HECW2: variants seen among roughly 807,000 people sequenced by gnomAD.
HECW2 encodes the protein HECT, C2 and WW domain containing E3 ubiquitin protein ligase 2.
HECW2 carries 61 observed loss-of-function variants against 175.2 expected under a neutral mutation model. The observed-to-expected ratio is 0.35, with a 90% CI of 0.28 to 0.43. The LOEUF (loss-of-function observed/expected upper bound fraction) is 0.43. Ranked by LOEUF, HECW2 falls within the 20% of genes least tolerant of loss-of-function variation. The pLI is 1.00. For synonymous variants in HECW2, 671 were observed against 731.0 expected (o/e 0.92, Z 1.32); for missense variants, 1,524 against 2,000.5 (o/e 0.76, Z 4.54).
In HECW2 at chr2:196,492,952, TAAAA is replaced by T. The variant is rs535602336; in HGVS notation, c.-35-59498_-35-59495del. On this transcript the variant is annotated intron_variant, in intron 1 of 28. Transcript: ENST00000644978. Reference sequence around the variant, plus strand: ...TAACTTTAATAAACGTCTTGAGTCTTAAAAATAAATAGACAAAAACACTGCTGTA... The same window carrying T: ...TAACTTTAATAAACGTCTTGAGTCTTATAAATAGACAAAAACACTGCTGTA... Among the ~76,000 whole-genome samples the T allele has an allele frequency of 1.4e-4, 22 of 152,304 alleles. No homozygotes were observed. The South Asian group carries it at 4.1e-3, about 29-fold the overall frequency.
At chr2:196,248,597 G>GACACAAACACACAAAC (rs1553636702) in intron 19 of HECW2, among the ~76,000 whole-genome samples, 2 of 143,922 alleles carry the variant, frequency 1.4e-5, no homozygotes, top group Non-Finnish European at 3.0e-5. Flanking sequence ...GAGACAGACA[G>GACACAAACACACAAAC]ACACACACAC....
intron 1 of HECW2, among the ~76,000 whole-genome samples, chr2:196,478,951 G>A (rs1413499198): frequency 6.6e-6 from 1 of 152,186 alleles, no homozygotes; most frequent in Admixed American, 6.5e-5. Flanking sequence ...GCACTCATTA[G>A]GACCCCACTT....
At chr2:196,256,576 G>C (rs1559468036) in intron 18 of HECW2, among the ~76,000 whole-genome samples, 1 of 152,144 alleles carries the variant, frequency 6.6e-6, no homozygotes, top group Non-Finnish European at 1.5e-5. Context: ...AATTCCCAAA[G>C]CAGAATTCTT....
rs1021893102 is a variant in HECW2, at chr2:196,349,252, G to A, written c.293-5488C>T. On this transcript the variant is annotated intron_variant, in intron 2 of 28. Transcript: ENST00000644978. ...CCCATCCTCATTCCTATTTCCTCTC[G>A]TACTAGGATTAAAGTGTCTGTTTTT... Among the ~76,000 whole-genome samples, 12 of 151,634 alleles carry A rather than the reference G, an allele frequency of 7.9e-5. No homozygotes were observed. In the East Asian group the frequency reaches 1.9e-3, roughly 24 times the overall value.
intron 15 of HECW2, among the ~76,000 whole-genome samples, chr2:196,277,333 T>C (rs1689995523): frequency 6.6e-6 from 1 of 152,192 alleles, no homozygotes; most frequent in African/African-American, 2.4e-5. Flanking sequence ...CTCAAAAATA[T>C]CCTAATTTTA....
rs1429124054 is a variant in HECW2, at chr2:196,335,003, A to G, written c.401-485T>C. Among the ~76,000 whole-genome samples, 6 of 152,354 alleles carry G rather than the reference A, an allele frequency of 3.9e-5. No homozygotes were observed. The South Asian group carries it at 1.2e-3, about 32-fold the overall frequency. ...TCCAAAGCCTTCACTCATAACCTCTATCTACATTGACTGTAGCTCTCAATG... is the reference window on the plus strand; with the variant it reads ...TCCAAAGCCTTCACTCATAACCTCTGTCTACATTGACTGTAGCTCTCAATG... On this transcript the variant is annotated intron_variant, in intron 3 of 28. Coordinates refer to ENST00000644978, the MANE Select transcript of HECW2 (RefSeq NM_001348768.2).
rs562936284 is a variant in HECW2 at position 196,552,205 on chromosome 2, A to G, written c.-36+41303T>C. Among the ~76,000 whole-genome samples the G allele has an allele frequency of 7.9e-5, 12 of 152,336 alleles. No individual in the cohort carries two copies. The East Asian group carries it at 2.3e-3, about 29-fold the overall frequency. On this transcript the variant is annotated intron_variant, in intron 1 of 28. Coordinates refer to ENST00000644978, the MANE Select transcript of HECW2 (RefSeq NM_001348768.2). ...GTTGACATGAGAGTACCAGGGAGAG[A>G]TATTTAAGTTGTAAATCAAACTTAA...
intron 1 of HECW2, among the ~76,000 whole-genome samples, chr2:196,470,070 G>A (rs896247727): frequency 2.6e-5 from 4 of 151,768 alleles, no homozygotes; most frequent in African/African-American, 9.7e-5. Flanking sequence ...GAAAAGACAA[G>A]GATCACAGAA....
chr2:196,518,654 CAAAAAAAAAA>C (rs747681637), intron 1 of HECW2, among the ~76,000 whole-genome samples: 2 of 77,422 alleles, frequency 2.6e-5, no homozygotes, highest in African/African-American at 7.5e-5. Flanking sequence ...GATTCTGTCT[CAAAAAAAAAA>C]AAAAAAAAAA....
intron 2 of HECW2, among the ~76,000 whole-genome samples, chr2:196,417,047 T>C (rs1172339687): frequency 2.0e-5 from 3 of 152,260 alleles, no homozygotes; most frequent in Non-Finnish European, 4.4e-5. Flanking sequence ...TTTTTCCCTG[T>C]TGTTTTACTG....
At chr2:196,239,161 C>T (rs1388288320) in intron 21 of HECW2, 1 of 152,240 alleles carries the variant, frequency 6.6e-6, no homozygotes, top group Non-Finnish European at 1.5e-5. Context: ...CAATGAAAGG[C>T]TCAGATCTCA....
At chr2:196,548,442 A>T (rs1194631536) in intron 1 of HECW2, among the ~76,000 whole-genome samples, 1 of 152,188 alleles carries the variant, frequency 6.6e-6, no homozygotes, top group Non-Finnish European at 1.5e-5. Flanking sequence ...AGGCTCTGAA[A>T]GATAGATAAC....
chr2:196,585,690 G>C (rs1690948205), intron 1 of HECW2, among the ~76,000 whole-genome samples: 1 of 152,058 alleles, frequency 6.6e-6, no homozygotes, highest in South Asian at 2.1e-4. Context: ...GGAGGAGAAG[G>C]AGAAAGAGAA....
At chr2:196,209,849 C>T (rs1237638466) in intron 28 of HECW2, among the ~76,000 whole-genome samples, 3 of 151,674 alleles carry the variant, frequency 2.0e-5, no homozygotes, top group Non-Finnish European at 4.4e-5. Context: ...CTGCAAGCTC[C>T]GCCTCCCGGG....
intron 2 of HECW2, among the ~76,000 whole-genome samples, chr2:196,372,399 T>C (rs1693931882): frequency 1.3e-5 from 2 of 152,248 alleles, no homozygotes; most frequent in South Asian, 4.1e-4. Flanking sequence ...TTCTTTACGG[T>C]ATCTGCTTCC....
chr2:196,256,267 AC>A (rs973619870), intron 18 of HECW2, among the ~76,000 whole-genome samples: 5 of 152,196 alleles, frequency 3.3e-5, no homozygotes, highest in Non-Finnish European at 7.3e-5. Flanking sequence ...TAATTATAGA[AC>A]TATTATATGT....
intron 1 of HECW2, among the ~76,000 whole-genome samples, chr2:196,447,136 C>G (rs1216076468): frequency 6.6e-6 from 1 of 152,016 alleles, no homozygotes; most frequent in Non-Finnish European, 1.5e-5. Context: ...AATTTTACTT[C>G]AAATACTGGG....
chr2:196,361,618 A>T (rs1367917576), intron 2 of HECW2, among the ~76,000 whole-genome samples: 2 of 152,138 alleles, frequency 1.3e-5, no homozygotes, highest in African/African-American at 2.4e-5. Context: ...CTCAGCACTG[A>T]TCTCTTATAT....
chr2:196,301,734 T>A (rs1379553499), intron 13 of HECW2, among the ~76,000 whole-genome samples: 1 of 151,872 alleles, frequency 6.6e-6, no homozygotes, highest in African/African-American at 2.4e-5. Context: ...TGTTTTTTTT[T>A]TTTTTTTCTT....
Sources: allele counts gnomAD v4.1 joint callset (sites outside exome capture counted in the v4.1 genomes callset), GRCh38; gene constraint gnomAD v4.1.1; transcripts MANE v1.5; gene names NCBI Gene and HGNC (gene_info 2026-07-23, HGNC 2026-07-21).